The following ASB6 variants were observed in gnomAD, a reference collection of about 807,000 sequenced individuals.
ASB6 encodes the protein ankyrin repeat and SOCS box protein 6.
A neutral mutation model predicts 28.6 loss-of-function variants in ASB6; 24 were observed. That is an observed-to-expected ratio of 0.84 (90% CI 0.61 to 1.18). The LOEUF (loss-of-function observed/expected upper bound fraction) is 1.18, where lower values mean the gene tolerates loss of function less well. Among genes scored for constraint, ASB6 ranks in the 50% most tolerant of loss-of-function variants. The pLI is 0.00. For missense variants in ASB6, 519 were observed against 559.8 expected (o/e 0.93, Z 0.74); for synonymous variants, 267 against 243.4 (o/e 1.10, Z -0.90).
chr9:129,635,302 C>T lies in ASB6; in HGVS notation c.*2488G>A, dbSNP rs1192117176. 1 of 1,613,800 alleles carries T rather than the reference C, an allele frequency of 6.2e-7. No individual in the cohort carries two copies. The highest frequency in any genetic ancestry group is 1.7e-5 in the Admixed American group (1 of 60,026). Reference sequence around the variant, plus strand: ...TCATCGTCATCAAAGACAACATGGCCCAGGAGGGCGTGATTCTGGACGACG... The same window carrying T: ...TCATCGTCATCAAAGACAACATGGCTCAGGAGGGCGTGATTCTGGACGACG... On this transcript the variant is annotated 3_prime_UTR_variant, in exon 6 of 6. Transcript: ENST00000277458.
intron 1 of ASB6, 170 bp from the exon 2 acceptor site, chr9:129,640,892 A>T (rs546277316): frequency 2.6e-6 from 2 of 754,836 alleles, no homozygotes; most frequent in East Asian, 5.5e-5. Flanking sequence ...GCCACGCTGC[A>T]TCTCTTAATA....
In ASB6 at chr9:129,637,794, A is replaced by T; in HGVS notation, c.1262T>A (p.Ile421Asn). The part of the protein sequence containing the change: ...SEHSGSVEDD[I>N] ...GTTCCTGTAGCCTGAGACCTATCAG[A>T]TGTCATCTTCCACGGAGCCACTGTG... is the stretch of plus-strand genomic sequence containing the variant. Residue 421 changes from isoleucine to asparagine, a missense_variant, in exon 6 of 6, where the codon ATC (isoleucine) becomes AAC (asparagine). Transcript: ENST00000277458. 2 of 1,511,050 alleles carry T rather than the reference A, an allele frequency of 1.3e-6. No homozygotes were observed. Among genetic ancestry groups the T allele is most frequent in the Non-Finnish European group, 1.8e-6 (2 of 1,130,208 alleles). The allele number at this position is 1,511,050 out of a possible 1,614,324, so 93.6% of individuals were successfully genotyped here.
At chr9:129,640,503 G>C in intron 2 of ASB6, 38 bp downstream of exon 2, 1 of 1,585,202 alleles carries the variant, frequency 6.3e-7, no homozygotes, top group Non-Finnish European at 8.6e-7. Flanking sequence ...GTCGGGCCGC[G>C]TTTAAGCCAC....
At position 129,638,300 on chromosome 9, in the gene ASB6, G is replaced by A. The variant is rs1284144327; in HGVS notation, c.756C>T (p.Asp252=). Residue 252 remains aspartate (D), a synonymous_variant, in exon 6 of 6, where the codon GAC becomes GAT. Transcript: ENST00000277458. ...ACTCGTGGGCTGGGCACTCGCTGGG[G>A]TCGGCCCCGTGTGCCAGCAGCAGCC... ...VTRLLLAHGA[D]PSECPAHESL... is the part of the protein sequence containing the mutation. The A allele has an allele frequency of 2.5e-6, 4 of 1,612,922 alleles. No homozygotes were observed. The highest frequency in any genetic ancestry group is 3.4e-6 in the Non-Finnish European group (4 of 1,180,040).
At position 129,638,009 on chromosome 9, in the gene ASB6, G is replaced by A; in HGVS notation, c.1047C>T (p.His349=). The change falls in exon 6 of 6, where the codon CAC becomes CAT. Residue 349 remains histidine, a synonymous_variant. Transcript: ENST00000277458. The stretch of plus-strand genomic sequence containing the variant: ...TCTTTTCCGCCAGGCTGCCCACAGG[G>A]TGGATATCGAAGTTTTCGGGCAGCT... The part of the protein sequence containing the change: ...KLQLPENFDI[H]PVGSLAEKIQ... 6.2e-7 allele frequency: 1 copy of A among 1,613,758 alleles called. No homozygotes were observed. Among genetic ancestry groups the A allele is most frequent in the Non-Finnish European group, 8.5e-7 (1 of 1,179,814 alleles).
In ASB6 at chr9:129,638,440, T is replaced by G; in HGVS notation, c.616A>C (p.Thr206Pro). 1 of 1,610,786 alleles carries G rather than the reference T, an allele frequency of 6.2e-7. No individual in the cohort carries two copies. The highest frequency in any genetic ancestry group is 8.5e-7 in the Non-Finnish European group (1 of 1,177,676). ...AACACTGTGTCCCCATCTTTGGTGG[T>G]GGCCTTGACGTCTGCCCCTAGAAGA... ...LLEGGADVKA[T>P]TKDGDTVFTC... is the part of the protein sequence containing the mutation. The change falls in exon 6 of 6, where the codon ACC (threonine) becomes CCC (proline). Residue 206 changes from threonine (T) to proline (P), a missense_variant. Thr to Pro is a conservative substitution (Grantham distance 38). Transcript: ENST00000277458.
intron 1 of ASB6, 28 bp downstream of exon 1, chr9:129,641,859 G>A: frequency 6.4e-7 from 1 of 1,567,174 alleles, no homozygotes; most frequent in Admixed American, 1.8e-5. Flanking sequence ...GAGCGGCCTC[G>A]GCCAGCTCAC....
At position 129,635,402 on chromosome 9, in the gene ASB6, G is replaced by A. The variant is rs141570249; in HGVS notation, c.*2388C>T. On this transcript the variant is annotated 3_prime_UTR_variant, in exon 6 of 6. Coordinates refer to ENST00000277458, the MANE Select transcript of ASB6 (RefSeq NM_017873.4). ...CAGTGCAGGCCTCAGCCTCCTGGCCGAGGAGAGGCAGGAGAACCTCCCCGA... is the reference window on the plus strand; with the variant it reads ...CAGTGCAGGCCTCAGCCTCCTGGCCAAGGAGAGGCAGGAGAACCTCCCCGA... 3.7e-6 allele frequency: 6 copies of A among 1,613,504 alleles called. No individual in the cohort carries two copies. Among genetic ancestry groups the A allele is most frequent in the South Asian group, 1.1e-5 (1 of 91,088 alleles).
chr9:129,638,221 A>G lies in ASB6; in HGVS notation c.835T>C (p.Phe279Leu), dbSNP rs373056061. 6.6e-5 allele frequency: 107 copies of G among 1,612,970 alleles called. No homozygotes were observed. The highest frequency in any genetic ancestry group is 1.6e-4 in the Middle Eastern group (1 of 6,080). The change falls in exon 6 of 6, where the codon TTC (phenylalanine) becomes CTC (leucine). Residue 279 changes from phenylalanine (F) to leucine (L), a missense_variant. By Grantham distance (22) the Phe-to-Leu change is conservative. Transcript: ENST00000277458. ...SFKLHFPLLR[F>L]LLESGAAYNC... is the part of the protein sequence containing the mutation. ...TAGGCGGCTCCGGACTCCAGGAGGA[A>G]GCGCAGGAGAGGGAAGTGCAGTTTA... is the stretch of plus-strand genomic sequence containing the variant.
Position 129,638,339 on chromosome 9 carries a change from G to A in ASB6, c.717C>T (p.Cys239=), listed in dbSNP as rs1329932786. 1 of 1,612,892 alleles carries A rather than the reference G, an allele frequency of 6.2e-7. No individual in the cohort carries two copies. The highest frequency in any genetic ancestry group is 1.7e-5 in the Admixed American group (1 of 60,008). ...KEEAQMINRF[C]FQVTRLLLAH... ...CCAGCAGCAGCCGTGTGACTTGGAAGCAGAAGCGGTTGATCATCTGGGCCT... is the reference window on the plus strand; with the variant it reads ...CCAGCAGCAGCCGTGTGACTTGGAAACAGAAGCGGTTGATCATCTGGGCCT... Residue 239 remains cysteine, a synonymous_variant, in exon 6 of 6, where the codon TGC becomes TGT. Coordinates refer to ENST00000277458, the MANE Select transcript of ASB6 (RefSeq NM_017873.4).
Position 129,638,450 on chromosome 9 carries a change from G to A in ASB6, c.606C>T (p.Asp202=), listed in dbSNP as rs1355995958. The A allele has an allele frequency of 2.0e-5, 32 of 1,609,596 alleles. No individual in the cohort carries two copies. Among genetic ancestry groups the A allele is most frequent in the Non-Finnish European group, 2.5e-5 (29 of 1,176,794 alleles). The change falls in exon 6 of 6, where the codon GAC becomes GAT. Residue 202 remains aspartate, a synonymous_variant. Transcript: ENST00000277458. ...NIRLLLEGGA[D]VKATTKDGDT... is the part of the protein sequence containing the mutation. ...CCCCATCTTTGGTGGTGGCCTTGAC[G>A]TCTGCCCCTAGAAGAGCCATAGAAC...
Position 129,637,948 on chromosome 9 carries a change from T to C in ASB6, c.1108A>G (p.Ser370Gly). The C allele has an allele frequency of 6.3e-7, 1 of 1,596,250 alleles. No individual in the cohort carries two copies. The highest frequency in any genetic ancestry group is 1.3e-5 in the African/African-American group (1 of 74,686). ...AGGTGCTTGAGGGGCGGGGGATAGC[T>C]CTCCAGCTGCCTCAAGGAGAAGTGG... ...ALHFSLRQLE[S>G]YPPPLKHLCR... Residue 370 changes from serine (S) to glycine (G), a missense_variant, in exon 6 of 6, where the codon AGC (serine) becomes GGC (glycine). Coordinates refer to ENST00000277458, the MANE Select transcript of ASB6 (RefSeq NM_017873.4).
At position 129,638,135 on chromosome 9, in the gene ASB6, G is replaced by A. The variant is rs756024263; in HGVS notation, c.921C>T (p.Leu307=). 19 of 1,614,022 alleles carry A rather than the reference G, an allele frequency of 1.2e-5. No individual in the cohort carries two copies. In the East Asian group the frequency reaches 4.2e-4, roughly 36 times the overall value. Residue 307 remains leucine (L), a synonymous_variant, in exon 6 of 6, where the codon CTC becomes CTT. Coordinates refer to ENST00000277458, the MANE Select transcript of ASB6 (RefSeq NM_017873.4). ...WSGFHIIFER[L]CSHPGCTEDE... ...CTTCCGTGCAGCCTGGGTGGGAACAGAGCCTCTCAAAGATGATGTGAAAGC... is the reference window on the plus strand; with the variant it reads ...CTTCCGTGCAGCCTGGGTGGGAACAAAGCCTCTCAAAGATGATGTGAAAGC...
In ASB6 at chr9:129,637,592, GTCTC is replaced by G; in HGVS notation, c.*194_*197del. On this transcript the variant is annotated 3_prime_UTR_variant, in exon 6 of 6. Transcript: ENST00000277458. Reference sequence around the variant, plus strand: ...GAGTGCCGCTGGAGGGAAGGGGGCAGTCTCTCTGGAAGAACCAGAGCTGCACCCT... The same window carrying G: ...GAGTGCCGCTGGAGGGAAGGGGGCAGTCTGGAAGAACCAGAGCTGCACCCT... 1 of 449,648 alleles carries G rather than the reference GTCTC, an allele frequency of 2.2e-6. No homozygotes were observed. Among genetic ancestry groups the G allele is most frequent in the Admixed American group, 3.9e-5 (1 of 25,716 alleles). The allele number at this position is 449,648 out of a possible 1,614,324, so 27.9% of individuals were successfully genotyped here.
rs1168650376 is a variant in ASB6, at chr9:129,639,462, G to C, written c.342C>G (p.Asn114Lys). 4 of 1,613,944 alleles carry C rather than the reference G, an allele frequency of 2.5e-6. No homozygotes were observed. The East Asian group carries it at 6.7e-5, about 27-fold the overall frequency. The change falls in exon 3 of 6, where the codon AAC becomes AAG. Residue 114 changes from asparagine (N) to lysine (K), a missense_variant. Asn to Lys is a moderately conservative substitution (Grantham distance 94, BLOSUM62 0). Coordinates refer to ENST00000277458, the MANE Select transcript of ASB6 (RefSeq NM_017873.4). ...CCAGCAGCTCCACCATGTCCGGCTG[G>C]TTCCGCAGGACGGCGATGTGCAAGG... is the stretch of plus-strand genomic sequence containing the variant. ...YTALHIAVLR[N>K]QPDMVELLVH...
At position 129,637,857 on chromosome 9, in the gene ASB6, G is replaced by A. The variant is rs778475042; in HGVS notation, c.1199C>T (p.Pro400Leu). The stretch of plus-strand genomic sequence containing the variant: ...GTACCACTTCAGCCTGTCGGGCAGA[G>A]GCAGGGCTTTGACCTTCACATCCAC... Reference protein sequence around the residue: ...WPVDVKVKALPLPDRLKWYLL... With the variant: ...WPVDVKVKALLLPDRLKWYLL... Residue 400 changes from proline (P) to leucine (L), a missense_variant, in exon 6 of 6, where the codon CCT (proline) becomes CTT (leucine). Pro to Leu is a moderately conservative substitution (Grantham distance 98, BLOSUM62 -3). Coordinates refer to ENST00000277458, the MANE Select transcript of ASB6 (RefSeq NM_017873.4). The A allele has an allele frequency of 1.3e-6, 2 of 1,534,438 alleles. No homozygotes were observed. The highest frequency in any genetic ancestry group is 2.8e-5 in the African/African-American group (2 of 72,334).
rs759541103 is a variant in ASB6, at chr9:129,638,475, CAA to C, written c.599-20_599-19del. 12 of 1,608,462 alleles carry C rather than the reference CAA, an allele frequency of 7.5e-6. No homozygotes were observed. Among genetic ancestry groups the C allele is most frequent in the Non-Finnish European group, 9.4e-6 (11 of 1,175,770 alleles). On this transcript the variant is annotated intron_variant, in intron 5 of 5. Coordinates refer to ENST00000277458, the MANE Select transcript of ASB6 (RefSeq NM_017873.4). ...GTCTGCCCCTAGAAGAGCCATAGAA[CAA>C]GAGATGCTGGGAGAAGGCCTTCAAC...
chr9:129,641,904 C>G lies in ASB6; in HGVS notation c.96G>C (p.Arg32=). 1 of 1,599,230 alleles carries G rather than the reference C, an allele frequency of 6.3e-7. No individual in the cohort carries two copies. Among genetic ancestry groups the G allele is most frequent in the Non-Finnish European group, 8.5e-7 (1 of 1,174,002 alleles). Residue 32 remains arginine (R), a synonymous_variant, in exon 1 of 6, where the codon CGG becomes CGC. Coordinates refer to ENST00000277458, the MANE Select transcript of ASB6 (RefSeq NM_017873.4). ...TGAGTTACCGGTCCAGAGACTCCTG[C>G]CGCTCGGGGTCCTGGATCCCCAGGG... ...LGSLGIQDPE[R]QESLDRPSYV... is the part of the protein sequence containing the mutation.
At position 129,638,084 on chromosome 9, in the gene ASB6, G is replaced by C; in HGVS notation, c.972C>G (p.Arg324=). 1 of 1,614,220 alleles carries C rather than the reference G, an allele frequency of 6.2e-7. No individual in the cohort carries two copies. ...TEDESHADLL[R]KAETVLDLMV... ...TGAGATCCAGGACAGTCTCAGCTTT[G>C]CGCAGGAGGTCCGCATGGCTCTCGT... Residue 324 remains arginine, a synonymous_variant, in exon 6 of 6, where the codon CGC becomes CGG. Transcript: ENST00000277458.
Sources: allele counts gnomAD v4.1 joint callset, GRCh38; gene constraint gnomAD v4.1.1; transcripts MANE v1.5; gene names NCBI Gene and HGNC (gene_info 2026-07-23, HGNC 2026-07-21).